Variants in PRCP observed in about 807,000 individuals in gnomAD.
The protein encoded by PRCP is lysosomal Pro-X carboxypeptidase.
A neutral mutation model predicts 54.2 loss-of-function variants in PRCP; 46 were observed. The ratio of observed to expected loss-of-function variants is 0.85; its 90% CI spans 0.67 to 1.09. The LOEUF (loss-of-function observed/expected upper bound fraction) is 1.09, where lower values mean the gene tolerates loss of function less well. Among genes scored for constraint, PRCP ranks in the 50% least tolerant of loss-of-function variants. The pLI is 0.00. For missense variants in PRCP, 613 were observed against 596.8 expected (o/e 1.03, Z -0.28); for synonymous variants, 240 against 212.2 (o/e 1.13, Z -1.14).
chr11:82,850,130 AT>A lies in PRCP; in HGVS notation c.594-60del, dbSNP rs1858915138. ...AAAAGAAAAAATATATATATATATT[AT>A]ATATATGTCATCTAAATCAAGTTTT... On this transcript the variant is annotated intron_variant, in intron 4 of 8. Transcript: ENST00000313010. 6 of 728,380 alleles carry A rather than the reference AT, an allele frequency of 8.2e-6. No homozygotes were observed. The East Asian group carries it at 2.3e-4, about 28-fold the overall frequency. 45.1% of individuals were successfully genotyped at this position (728,380 alleles called of 1,614,324 possible). A position where few individuals can be genotyped will look rare whatever the true frequency, so the allele number is the denominator to read the frequency against.
At position 82,884,952 on chromosome 11, in the gene PRCP, C is replaced by T. The variant is rs1386111940; in HGVS notation, c.168+15283G>A. On this transcript the variant is annotated intron_variant, in intron 1 of 8. Transcript: ENST00000313010. ...AAAGGTTTTACTAGCACACACCTCC[C>T]AGCTCAAACAATATATGCCATCAGT... 2.5e-6 allele frequency: 4 copies of T among 1,583,094 alleles called. No homozygotes were observed. In the African/African-American group the frequency reaches 4.1e-5, roughly 16 times the overall value.
At chr11:82,842,529 C>T (rs1164587460) in intron 6 of PRCP, among the ~76,000 whole-genome samples, 2 of 152,284 alleles carry the variant, frequency 1.3e-5, no homozygotes, top group East Asian at 3.9e-4. Flanking sequence ...TGAAGCAACC[C>T]TAAAATTGGG....
chr11:82,827,032 T>C (rs764165043), intron 8 of PRCP: 16 of 152,224 alleles, frequency 1.1e-4, no homozygotes, highest in Non-Finnish European at 1.9e-4. Flanking sequence ...TGCATGGCAC[T>C]CTTGGCATAT....
chr11:82,884,827 G>A (rs964459383), intron 1 of PRCP: 1 of 1,612,980 alleles, frequency 6.2e-7, no homozygotes, highest in South Asian at 1.1e-5. Flanking sequence ...ACCTACCAGA[G>A]GAGTCTTGTA....
At chr11:82,851,160 C>G (rs1157888778) in intron 3 of PRCP, among the ~76,000 whole-genome samples, 1 of 152,062 alleles carries the variant, frequency 6.6e-6, no homozygotes, top group Non-Finnish European at 1.5e-5. Flanking sequence ...AAGGTGAAGC[C>G]CAGTGTCCTG....
At chr11:82,841,495 C>T (rs1051521882) in intron 6 of PRCP, among the ~76,000 whole-genome samples, 6 of 152,068 alleles carry the variant, frequency 3.9e-5, no homozygotes, top group East Asian at 1.9e-4. Flanking sequence ...TTTCTCAGAA[C>T]CTTTAACATG....
chr11:82,866,427 T>G (rs1859336682), intron 1 of PRCP, among the ~76,000 whole-genome samples: 1 of 152,178 alleles, frequency 6.6e-6, no homozygotes, highest in Non-Finnish European at 1.5e-5. Flanking sequence ...AAGACACTGC[T>G]CCTCTTTACA....
At chr11:82,851,217 T>G (rs976380562) in intron 3 of PRCP, among the ~76,000 whole-genome samples, 1 of 152,062 alleles carries the variant, frequency 6.6e-6, no homozygotes, top group African/African-American at 2.4e-5. Flanking sequence ...GTCTGCAAAT[T>G]CTTGACACTC....
At chr11:82,889,363 C>CA (rs35397311) in intron 1 of PRCP, among the ~76,000 whole-genome samples, 91 of 141,464 alleles carry the variant, frequency 6.4e-4, no homozygotes, top group Non-Finnish European at 1.2e-3. Context: ...GACTCTGTCT[C>CA]AAAAAAAAAA....
Position 82,853,230 on chromosome 11 carries a change from C to A in PRCP, c.358G>T (p.Ala120Ser). 1 of 1,613,216 alleles carries A rather than the reference C, an allele frequency of 6.2e-7. No individual in the cohort carries two copies. The highest frequency in any genetic ancestry group is 8.5e-7 in the Non-Finnish European group (1 of 1,179,466). Residue 120 changes from alanine to serine, a missense_variant, in exon 3 of 9, where the codon GCT becomes TCT. By Grantham distance (99) the Ala-to-Ser change is moderately conservative (BLOSUM62 1). Coordinates refer to ENST00000313010, the MANE Select transcript of PRCP (RefSeq NM_005040.4). ...AEELKAMLVF[A>S]EHRYYGESLP... is the part of the protein sequence containing the mutation. ...GACTCTCCATAGTATCGATGTTCAG[C>A]AAACACCAACATAGCTTTCAGTTCC...
At chr11:82,895,282 T>C (rs1053482364) in intron 1 of PRCP, among the ~76,000 whole-genome samples, 2 of 152,192 alleles carry the variant, frequency 1.3e-5, no homozygotes, top group African/African-American at 4.8e-5. Context: ...GAAACAGAAC[T>C]TGCTCTCAAA....
intron 2 of PRCP, among the ~76,000 whole-genome samples, chr11:82,859,446 T>C (rs1859159581): frequency 6.6e-6 from 1 of 152,192 alleles, no homozygotes; most frequent in Non-Finnish European, 1.5e-5. Flanking sequence ...ACCTTCTATA[T>C]GTCCTGGACA....
At chr11:82,841,865 C>A (rs140722871) in intron 6 of PRCP, among the ~76,000 whole-genome samples, 1,627 of 152,254 alleles carry the variant, frequency 0.011, 28 homozygotes, top group African/African-American at 0.037. Context: ...AATCAAGAAA[C>A]AATCATAAGA....
chr11:82,831,640 C>T (rs866401962), intron 8 of PRCP, among the ~76,000 whole-genome samples: 30 of 152,226 alleles, frequency 2.0e-4, no homozygotes, highest in Middle Eastern at 3.4e-3. Flanking sequence ...AGCAATCACA[C>T]TTGGATTCAT....
chr11:82,866,695 A>C (rs1425583151), intron 1 of PRCP, among the ~76,000 whole-genome samples: 1 of 152,058 alleles, frequency 6.6e-6, no homozygotes, highest in Non-Finnish European at 1.5e-5. Context: ...GCCCTTGTAC[A>C]TGGCAGATAC....
At chr11:82,849,791 G>C (rs942197410) in intron 5 of PRCP, 123 bp downstream of exon 5, 1 of 896,224 alleles carries the variant, frequency 1.1e-6, no homozygotes. Flanking sequence ...ATTTTGATTT[G>C]TATAATTTTC....
At chr11:82,894,996 C>T (rs1042084833) in intron 1 of PRCP, among the ~76,000 whole-genome samples, 1 of 152,118 alleles carries the variant, frequency 6.6e-6, no homozygotes, top group African/African-American at 2.4e-5. Flanking sequence ...AGGTTAATTC[C>T]TAGGCCACAA....
chr11:82,849,880 A>G (rs1404261355), intron 5 of PRCP, 34 bp downstream of exon 5: 2 of 1,368,110 alleles, frequency 1.5e-6, no homozygotes, highest in South Asian at 2.1e-5. Flanking sequence ...AGGTTAAAAA[A>G]ACACACAATT....
chr11:82,882,854 A>AACACACAC (rs3222274), intron 1 of PRCP, among the ~76,000 whole-genome samples: 13 of 71,990 alleles, frequency 1.8e-4, no homozygotes, highest in Non-Finnish European at 2.6e-4. Context: ...CTACCTGTGC[A>AACACACAC]ACACACACAC....
Sources: gnomAD v4.1 joint callset for allele counts (sites outside exome capture counted in the v4.1 genomes callset) on GRCh38, gnomAD v4.1.1 for gene constraint, MANE v1.5 for transcripts, NCBI Gene and HGNC (gene_info 2026-07-23, HGNC 2026-07-21) for gene names.